SATL1: variants seen among roughly 807,000 people sequenced by gnomAD.
The protein encoded by SATL1 is spermidine/spermine N(1)-acetyltransferase-like protein 1.
Under a neutral mutation model 51.8 loss-of-function variants are expected in SATL1, and 47 were observed. That is an observed-to-expected ratio of 0.91 (90% confidence interval 0.72 to 1.16). SATL1 has a LOEUF of 1.16. Ranked by LOEUF, SATL1 falls within the 50% of genes most tolerant of loss-of-function variation. The pLI, the probability that SATL1 is intolerant of heterozygous loss-of-function variation, is 0.00. For synonymous variants in SATL1, 176 were observed against 182.4 expected (o/e 0.97, Z 0.28); for missense variants, 520 against 526.4 (o/e 0.99, Z 0.12).
At chrX:85,223,650 C>A (rs1928218832) in intron 2 of SATL1, among the ~76,000 whole-genome samples, 1 of 110,796 alleles carries the variant, frequency 9.0e-6, no homozygotes, top group African/African-American at 3.3e-5. Context: ...TGACTGGGAA[C>A]AAAAATCCTA....
intron 2 of SATL1, among the ~76,000 whole-genome samples, chrX:85,199,535 C>T (rs757139118): frequency 2.8e-4 from 31 of 111,689 alleles, no homozygotes; most frequent in Non-Finnish European, 5.8e-4. Context: ...ACATAAGTGT[C>T]GGTCAACAGA....
chrX:85,152,015 C>T (rs1187507055), intron 2 of SATL1, among the ~76,000 whole-genome samples: 2 of 109,690 alleles, frequency 1.8e-5, no homozygotes, highest in African/African-American at 3.3e-5. Context: ...AAACTACCAT[C>T]AGAGTGAACA....
chrX:85,129,723 C>A (rs966063358), intron 2 of SATL1, among the ~76,000 whole-genome samples: 16 of 111,347 alleles, frequency 1.4e-4, no homozygotes, highest in African/African-American at 5.2e-4. Flanking sequence ...CTCTCTTGTG[C>A]CAGTTTTCAA....
At chrX:85,192,929 A>G (rs1927470806) in intron 2 of SATL1, among the ~76,000 whole-genome samples, 1 of 111,900 alleles carries the variant, frequency 8.9e-6, no homozygotes, top group African/African-American at 3.3e-5. Flanking sequence ...AATCACATAC[A>G]GAAGTTTTAA....
Position 85,111,925 on chromosome X carries a change from T to C in SATL1, c.-312-2645A>G, listed in dbSNP as rs138702071. On this transcript the variant is annotated intron_variant, in intron 2 of 7. Transcript: ENST00000644105. ...CAAATCATGAGACAACGAAGTATGT[T>C]ACCTGCAGCAAATTTGTAAGGGTCT... Among the ~76,000 whole-genome samples the C allele has an allele frequency of 2.3e-4, 26 of 111,952 alleles. 1 individual carries two copies. The East Asian group carries it at 6.5e-3, about 28-fold the overall frequency.
intron 2 of SATL1, among the ~76,000 whole-genome samples, chrX:85,176,306 T>C (rs1927080291): frequency 8.9e-6 from 1 of 111,941 alleles, no homozygotes; most frequent in African/African-American, 3.2e-5. Context: ...AAAAGCAGTA[T>C]GGCAATTACA....
At chrX:85,166,617 C>T (rs939129068) in intron 2 of SATL1, among the ~76,000 whole-genome samples, 1 of 110,706 alleles carries the variant, frequency 9.0e-6, no homozygotes. Context: ...ACTAAAAAAT[C>T]AAAAAATAAT....
intron 1 of SATL1, among the ~76,000 whole-genome samples, chrX:85,236,759 T>C (rs1928489009): frequency 9.0e-6 from 1 of 111,653 alleles, no homozygotes; most frequent in African/African-American, 3.2e-5. Context: ...ACTGAAAGCC[T>C]TTCCTTTAAG....
At chrX:85,156,994 G>C (rs1926615086) in intron 2 of SATL1, among the ~76,000 whole-genome samples, 2 of 106,126 alleles carry the variant, frequency 1.9e-5, no homozygotes, top group Non-Finnish European at 3.9e-5. Context: ...GAGTAAGAGG[G>C]GTATGTGTGT....
intron 4 of SATL1, among the ~76,000 whole-genome samples, chrX:85,101,055 A>G (rs138764249): frequency 8.2e-4 from 92 of 112,290 alleles, no homozygotes; most frequent in Non-Finnish European, 1.5e-3. Flanking sequence ...GTAACTCAAA[A>G]TAGATCAAAT....
chrX:85,232,784 C>T (rs1006633593), intron 1 of SATL1, among the ~76,000 whole-genome samples: 5 of 111,815 alleles, frequency 4.5e-5, no homozygotes, highest in African/African-American at 1.6e-4. Context: ...TAGAATAGAG[C>T]ACCAGGTACA....
chrX:85,218,219 A>G (rs1324263816), intron 2 of SATL1, among the ~76,000 whole-genome samples: 1 of 110,990 alleles, frequency 9.0e-6, no homozygotes, highest in Non-Finnish European at 1.9e-5. Context: ...TCGCTGTAAC[A>G]CACAGTTTAC....
chrX:85,189,380 A>G (rs192920393), intron 2 of SATL1, among the ~76,000 whole-genome samples: 2 of 111,719 alleles, frequency 1.8e-5, no homozygotes. Flanking sequence ...TTTGAAGCAG[A>G]CAAAATTTTG....
rs1053425503 is a variant in SATL1, at chrX:85,231,456, T to C, written c.-434-7130A>G. ...TTGAACAACTATCCACACAAAAAGC[T>C]ACCTTCATTAGAACAAAAAAATCAG... On this transcript the variant is annotated intron_variant, in intron 1 of 7. Transcript: ENST00000644105. 3.6e-5 allele frequency among the ~76,000 whole-genome samples: 4 copies of C among 111,836 alleles called. No homozygotes were observed. In the Admixed American group the frequency reaches 3.8e-4, roughly 11 times the overall value.
rs1039894433 is a variant in SATL1 at position 85,138,968 on chromosome X, T to C, written c.-312-29688A>G. On this transcript the variant is annotated intron_variant, in intron 2 of 7. Coordinates refer to ENST00000644105, the MANE Select transcript of SATL1 (RefSeq NM_001367857.2). ...GCCAATGTACAAGTTATTATTATCA[T>C]TGAAAATATTATTATTACTTTTTTA... Among the ~76,000 whole-genome samples the C allele has an allele frequency of 5.4e-5, 6 of 111,841 alleles. No homozygotes were observed. The East Asian group carries it at 1.4e-3, about 26-fold the overall frequency.
chrX:85,093,259 A>G, intron 6 of SATL1, 34 bp from the exon 7 acceptor site: 2 of 1,127,799 alleles, frequency 1.8e-6, no homozygotes, highest in South Asian at 2.0e-5. Context: ...GAAAACTGCA[A>G]ATTTCACTTA....
At chrX:85,206,372 G>A (rs1230076315) in intron 2 of SATL1, among the ~76,000 whole-genome samples, 3 of 111,546 alleles carry the variant, frequency 2.7e-5, no homozygotes, top group Non-Finnish European at 5.6e-5. Context: ...AGGAATTAGG[G>A]TAAATCAGAA....
At chrX:85,123,842 A>G (rs1010276970) in intron 2 of SATL1, among the ~76,000 whole-genome samples, 10 of 111,611 alleles carry the variant, frequency 9.0e-5, no homozygotes, top group Non-Finnish European at 1.7e-4. Flanking sequence ...TCAGTCTTTT[A>G]ATAAAAACAG....
chrX:85,176,769 C>T (rs1021086445), intron 2 of SATL1, among the ~76,000 whole-genome samples: 6 of 110,663 alleles, frequency 5.4e-5, no homozygotes, highest in Non-Finnish European at 9.5e-5. Flanking sequence ...GAAGATAAGT[C>T]GGAAAAAATT....
Sources: allele counts gnomAD v4.1 joint callset (sites outside exome capture counted in the v4.1 genomes callset), GRCh38; gene constraint gnomAD v4.1.1; transcripts MANE v1.5; gene names NCBI Gene and HGNC (gene_info 2026-07-23, HGNC 2026-07-21).